YAP1: variants seen among roughly 807,000 people sequenced by gnomAD.
The protein encoded by YAP1 is transcriptional coactivator YAP1.
YAP1 carries 5 observed loss-of-function variants against 56.9 expected under a neutral mutation model. The observed-to-expected ratio is 0.09, with a 90% CI of 0.05 to 0.18. The LOEUF is 0.18. Ranked by LOEUF, YAP1 falls within the 10% of genes least tolerant of loss-of-function variation. The probability of loss-of-function intolerance (pLI) is 1.00; values close to 1 mark genes in which losing one functional copy is unlikely to be tolerated. For missense variants in YAP1, 539 were observed against 651.8 expected (o/e 0.83, Z 1.88); for synonymous variants, 265 against 248.1 (o/e 1.07, Z -0.64).
chr11:102,116,021 ATTGC>A (rs1414788990), intron 2 of YAP1, among the ~76,000 whole-genome samples: 13 of 152,302 alleles, frequency 8.5e-5, no homozygotes, highest in African/African-American at 3.1e-4. Flanking sequence ...TCTTGTAATA[ATTGC>A]TTGTAGGTGA....
chr11:102,188,094 G>A, intron 4 of YAP1, among the ~76,000 whole-genome samples: 1 of 152,314 alleles, frequency 6.6e-6, no homozygotes, highest in Middle Eastern at 3.4e-3. Flanking sequence ...CAAGCTGTTA[G>A]CTGCTGGATT....
At chr11:102,159,391 A>G (rs1298619935) in intron 2 of YAP1, among the ~76,000 whole-genome samples, 1 of 152,180 alleles carries the variant, frequency 6.6e-6, no homozygotes, top group Non-Finnish European at 1.5e-5. Context: ...GTCCAGAAAC[A>G]TTTTTATCAT....
chr11:102,151,155 A>T (rs1404561893), intron 2 of YAP1, among the ~76,000 whole-genome samples: 1 of 152,102 alleles, frequency 6.6e-6, no homozygotes, highest in Non-Finnish European at 1.5e-5. Context: ...TTAAGACTAG[A>T]ATAGTACTTC....
At chr11:102,126,983 A>G (rs1944069474) in intron 2 of YAP1, among the ~76,000 whole-genome samples, 1 of 152,210 alleles carries the variant, frequency 6.6e-6, no homozygotes, top group Admixed American at 6.5e-5. Flanking sequence ...GGAACTTTGA[A>G]CTTGAAAGAG....
intron 3 of YAP1, among the ~76,000 whole-genome samples, chr11:102,180,006 ATTTT>A (rs35958516): frequency 1.7e-4 from 18 of 105,868 alleles, no homozygotes; most frequent in African/African-American, 2.0e-4. Context: ...CATTTATTCT[ATTTT>A]TTTTTTTTTT....
intron 4 of YAP1, among the ~76,000 whole-genome samples, chr11:102,187,706 CAG>C (rs1313426774): frequency 1.3e-5 from 2 of 152,028 alleles, no homozygotes; most frequent in Non-Finnish European, 2.9e-5. Context: ...TCCTTTAAAA[CAG>C]TGAAATAAAA....
chr11:102,222,882 GA>G (rs1950003297), intron 6 of YAP1, among the ~76,000 whole-genome samples: 1 of 151,322 alleles, frequency 6.6e-6, no homozygotes, highest in Non-Finnish European at 1.5e-5. Context: ...TTTGGCGGGG[GA>G]GGGGGTCGGG....
intron 2 of YAP1, among the ~76,000 whole-genome samples, chr11:102,146,866 A>G (rs899803233): frequency 6.6e-6 from 1 of 152,164 alleles, no homozygotes; most frequent in South Asian, 2.1e-4. Context: ...TTTGTGCTCA[A>G]ATGTTGCTAA....
intron 3 of YAP1, among the ~76,000 whole-genome samples, chr11:102,164,029 TA>T (rs1452840896): frequency 6.6e-6 from 1 of 151,324 alleles, no homozygotes; most frequent in African/African-American, 2.4e-5. Flanking sequence ...GACACTTAAG[TA>T]AAAATTTTTT....
At chr11:102,184,477 C>T (rs1947841556) in intron 3 of YAP1, among the ~76,000 whole-genome samples, 1 of 152,182 alleles carries the variant, frequency 6.6e-6, no homozygotes, top group African/African-American at 2.4e-5. Flanking sequence ...TACTACACAT[C>T]CAGGACTGAA....
chr11:102,146,022 A>G (rs1945302418), intron 2 of YAP1, among the ~76,000 whole-genome samples: 1 of 152,216 alleles, frequency 6.6e-6, no homozygotes, highest in Non-Finnish European at 1.5e-5. Flanking sequence ...AGTTAGGTCA[A>G]GTTAGTTAAG....
chr11:102,173,204 G>A (rs1316677946), intron 3 of YAP1, among the ~76,000 whole-genome samples: 1 of 152,142 alleles, frequency 6.6e-6, no homozygotes, highest in Non-Finnish European at 1.5e-5. Context: ...GTAGCTAGTA[G>A]ATGGGCAATT....
chr11:102,176,252 A>G (rs561095450), intron 3 of YAP1, among the ~76,000 whole-genome samples: 3 of 152,190 alleles, frequency 2.0e-5, no homozygotes, highest in Non-Finnish European at 2.9e-5. Flanking sequence ...CTTTTTCCCT[A>G]TAGTCTAGGG....
At chr11:102,208,100 A>G (rs1591423047) in intron 5 of YAP1, among the ~76,000 whole-genome samples, 1 of 152,198 alleles carries the variant, frequency 6.6e-6, no homozygotes, top group African/African-American at 2.4e-5. Flanking sequence ...TATCACACCT[A>G]GAGAGCTCAG....
chr11:102,188,739 C>CT (rs1196832521), intron 4 of YAP1, among the ~76,000 whole-genome samples: 9 of 152,154 alleles, frequency 5.9e-5, no homozygotes, highest in African/African-American at 2.2e-4. Context: ...TAAGTACTCT[C>CT]TAAGATGTTT....
At chr11:102,121,595 T>C (rs1943657140) in intron 2 of YAP1, among the ~76,000 whole-genome samples, 1 of 152,150 alleles carries the variant, frequency 6.6e-6, no homozygotes, top group South Asian at 2.1e-4. Context: ...CTACCTCCCA[T>C]GCCACCACCC....
In YAP1 at chr11:102,110,881, G is replaced by T. The variant is rs747081306; in HGVS notation, c.33G>T (p.Pro11=). Residue 11 remains proline, a synonymous_variant, in exon 1 of 9, where the codon CCG becomes CCT. Coordinates refer to ENST00000282441, the MANE Select transcript of YAP1 (RefSeq NM_001130145.3). ...CCGGGCAGCAGCCGCCGCCTCAACCGGCCCCCCAGGGCCAAGGGCAGCCGC... is the reference window on the plus strand; with the variant it reads ...CCGGGCAGCAGCCGCCGCCTCAACCTGCCCCCCAGGGCCAAGGGCAGCCGC... The part of the protein sequence containing the change: MDPGQQPPPQ[P]APQGQGQPPS... 6 of 1,420,556 alleles carry T rather than the reference G, an allele frequency of 4.2e-6. No homozygotes were observed. In the Admixed American group the frequency reaches 1.6e-4, roughly 38 times the overall value. 88.0% of individuals were successfully genotyped at this position (1,420,556 alleles called of 1,614,324 possible).
chr11:102,152,939 C>A (rs143124035), intron 2 of YAP1, among the ~76,000 whole-genome samples: 2 of 152,082 alleles, frequency 1.3e-5, no homozygotes, highest in Admixed American at 1.3e-4. Context: ...TTCCCAAGAG[C>A]GGACATTTGA....
At chr11:102,153,853 T>TA (rs201407836) in intron 2 of YAP1, among the ~76,000 whole-genome samples, 12,167 of 145,354 alleles carry the variant, frequency 0.084, 765 homozygotes, top group African/African-American at 0.16. Context: ...GAGGAACTCT[T>TA]AAAAAAAAAA....
Sources: allele counts gnomAD v4.1 joint callset (sites outside exome capture counted in the v4.1 genomes callset), GRCh38; gene constraint gnomAD v4.1.1; transcripts MANE v1.5; gene names NCBI Gene and HGNC (gene_info 2026-07-23, HGNC 2026-07-21).